Variants in UNC5C observed in about 807,000 individuals in gnomAD.
The protein encoded by UNC5C is netrin receptor UNC5C.
Under a neutral mutation model 99.8 loss-of-function variants are expected in UNC5C, and 47 were observed. The ratio of observed to expected loss-of-function variants is 0.47; its 90% CI spans 0.37 to 0.60. The LOEUF (loss-of-function observed/expected upper bound fraction) is 0.60. UNC5C is among the 20% of genes least tolerant of loss of function. UNC5C has a pLI of 0.00. For missense variants in UNC5C, 1,062 were observed against 1,165.9 expected, an observed-to-expected ratio of 0.91 and a Z score of 1.30; for synonymous variants, 487 against 452.2, an observed-to-expected ratio of 1.08 and a Z score of -0.98.
chr4:95,212,390 A>G (rs1738102127), intron 10 of UNC5C, among the ~76,000 whole-genome samples: 1 of 152,078 alleles, frequency 6.6e-6, no homozygotes, highest in Non-Finnish European at 1.5e-5. Context: ...GATCCTATTT[A>G]TACCGCGGTT....
intron 7 of UNC5C, among the ~76,000 whole-genome samples, chr4:95,233,213 T>C (rs912566219): frequency 6.6e-5 from 10 of 152,212 alleles, no homozygotes; most frequent in African/African-American, 2.4e-4. Context: ...ATTTTTTTAA[T>C]GAGTTGAAAG....
Position 95,429,010 on chromosome 4 carries a change from G to A in UNC5C, c.125-93379C>T, listed in dbSNP as rs373740760. On this transcript the variant is annotated intron_variant, in intron 1 of 15. Coordinates refer to ENST00000453304, the MANE Select transcript of UNC5C (RefSeq NM_003728.4). The stretch of plus-strand genomic sequence containing the variant: ...TCAGCTTCTTGTAAGGCTTCATGTT[G>A]TACATCTAAAAGCTTTCTGCTCTTG... Among the ~76,000 whole-genome samples, 27 of 151,968 alleles carry A rather than the reference G, an allele frequency of 1.8e-4. No individual in the cohort carries two copies. The South Asian group carries it at 4.2e-3, about 23-fold the overall frequency.
chr4:95,382,169 A>G (rs1183402246), intron 1 of UNC5C, among the ~76,000 whole-genome samples: 2 of 139,048 alleles, frequency 1.4e-5, no homozygotes, highest in Admixed American at 1.4e-4. Flanking sequence ...GTTCTGTGGG[A>G]CTTGAAGCTT....
intron 1 of UNC5C, among the ~76,000 whole-genome samples, chr4:95,525,069 C>T (rs1448112410): frequency 6.6e-6 from 1 of 152,084 alleles, no homozygotes; most frequent in African/African-American, 2.4e-5. Context: ...CCAAATGCTC[C>T]TGTCAAAAAA....
At chr4:95,407,951 C>A (rs1745875196) in intron 1 of UNC5C, among the ~76,000 whole-genome samples, 1 of 152,008 alleles carries the variant, frequency 6.6e-6, no homozygotes, top group South Asian at 2.1e-4. Context: ...TGGGTAAAAA[C>A]CAGAAGAAAT....
chr4:95,515,837 C>T (rs934539509), intron 1 of UNC5C, among the ~76,000 whole-genome samples: 13 of 152,158 alleles, frequency 8.5e-5, no homozygotes, highest in African/African-American at 2.7e-4. Flanking sequence ...GGGCTGTATG[C>T]TGGCTTCATC....
intron 1 of UNC5C, among the ~76,000 whole-genome samples, chr4:95,521,750 C>CA (rs1246409944): frequency 6.6e-6 from 1 of 152,086 alleles, no homozygotes; most frequent in Non-Finnish European, 1.5e-5. Flanking sequence ...AAATACTTGC[C>CA]AAAAATGTGG....
intron 11 of UNC5C, among the ~76,000 whole-genome samples, 171 bp from the exon 12 acceptor site, chr4:95,203,135 T>TTGTC (rs1737750627): frequency 6.6e-6 from 1 of 152,204 alleles, no homozygotes; most frequent in Admixed American, 6.5e-5. Context: ...CTTTCTACCA[T>TTGTC]TGTCTTTACA....
At chr4:95,175,367 T>A (rs1447582260) in intron 14 of UNC5C, among the ~76,000 whole-genome samples, 18 of 152,002 alleles carry the variant, frequency 1.2e-4, no homozygotes, top group Non-Finnish European at 2.7e-4. Context: ...GGCATGATTT[T>A]GCAGTGGCTG....
intron 2 of UNC5C, among the ~76,000 whole-genome samples, chr4:95,324,152 G>A (rs13434678): frequency 0.4 from 61,325 of 152,062 alleles, 13,877 homozygotes; most frequent in East Asian, 0.83. Context: ...TACTGGAACC[G>A]GGCCACATGG....
intron 1 of UNC5C, among the ~76,000 whole-genome samples, chr4:95,465,037 C>T (rs934042417): frequency 5.3e-5 from 8 of 152,140 alleles, no homozygotes; most frequent in Admixed American, 4.6e-4. Context: ...CGTGTGTCCC[C>T]AGTGATGGTG....
chr4:95,163,548 G>C lies in UNC5C; in HGVS notation c.*5686C>G, dbSNP rs1735754138. ...CGCCATCAGGTTCTACAGCTGGTCT[G>C]ATAGTACTTAGTCCAGTAGACCTTT... On this transcript the variant is annotated 3_prime_UTR_variant, in exon 16 of 16. Transcript: ENST00000453304. 6.6e-6 allele frequency: 1 copy of C among 152,190 alleles called. No individual in the cohort carries two copies. Among genetic ancestry groups the C allele is most frequent in the South Asian group, 2.1e-4 (1 of 4,832 alleles). The allele number at this position is 152,190 out of a possible 1,614,324, so 9.4% of individuals were successfully genotyped here.
At chr4:95,205,959 G>A (rs1196215252) in intron 11 of UNC5C, among the ~76,000 whole-genome samples, 2 of 151,250 alleles carry the variant, frequency 1.3e-5, no homozygotes, top group Non-Finnish European at 2.9e-5. Flanking sequence ...TGATCCAGTT[G>A]CAATGTTTCT....
At chr4:95,225,534 A>G (rs1270254997) in intron 7 of UNC5C, among the ~76,000 whole-genome samples, 10 of 152,230 alleles carry the variant, frequency 6.6e-5, no homozygotes, top group Admixed American at 5.9e-4. Context: ...ATAGGTGTAT[A>G]ATATAACTGA....
intron 10 of UNC5C, chr4:95,215,908 C>G (rs1285054325): frequency 2.5e-6 from 1 of 402,008 alleles, no homozygotes. Flanking sequence ...GAAAAGATCT[C>G]TAGCCTTCTA....
intron 1 of UNC5C, among the ~76,000 whole-genome samples, chr4:95,476,872 A>G (rs1748166365): frequency 6.6e-6 from 1 of 152,170 alleles, no homozygotes; most frequent in Non-Finnish European, 1.5e-5. Context: ...GTCACTCATG[A>G]TTTTTAGCTC....
At chr4:95,469,771 C>A (rs1399737242) in intron 1 of UNC5C, among the ~76,000 whole-genome samples, 2 of 152,096 alleles carry the variant, frequency 1.3e-5, no homozygotes, top group Non-Finnish European at 2.9e-5. Flanking sequence ...TGGTGTTAAT[C>A]AAAGTTTACT....
At chr4:95,284,038 A>T (rs1349882051) in intron 3 of UNC5C, among the ~76,000 whole-genome samples, 2 of 152,214 alleles carry the variant, frequency 1.3e-5, no homozygotes, top group African/African-American at 4.8e-5. Flanking sequence ...TTCCATTTAT[A>T]CATAACCAAA....
chr4:95,548,496 C>T (rs998408424), intron 1 of UNC5C, among the ~76,000 whole-genome samples: 26 of 152,004 alleles, frequency 1.7e-4, no homozygotes, highest in South Asian at 6.2e-4. Flanking sequence ...GTCCACACCC[C>T]GTTCGTCCCT....
Sources: allele counts gnomAD v4.1 joint callset (sites outside exome capture counted in the v4.1 genomes callset), GRCh38; gene constraint gnomAD v4.1.1; transcripts MANE v1.5; gene names NCBI Gene and HGNC (gene_info 2026-07-23, HGNC 2026-07-21).